Variants in LDAH observed in about 807,000 individuals in gnomAD.
LDAH encodes the protein lipid droplet-associated hydrolase.
A neutral mutation model predicts 29.6 loss-of-function variants in LDAH; 26 were observed. The ratio of observed to expected loss-of-function variants is 0.88; its 90% CI spans 0.64 to 1.22. The LOEUF (loss-of-function observed/expected upper bound fraction) is 1.22, where lower values mean the gene tolerates loss of function less well. Ranked by LOEUF, LDAH falls within the 50% of genes most tolerant of loss-of-function variation. LDAH has a pLI of 0.00. For missense variants in LDAH, 344 were observed against 387.3 expected, an observed-to-expected ratio of 0.89 and a Z score of 0.94; for synonymous variants, 117 against 133.0, an observed-to-expected ratio of 0.88 and a Z score of 0.83.
At chr2:20,714,517 G>A (rs947769068) in intron 5 of LDAH, among the ~76,000 whole-genome samples, 5 of 152,146 alleles carry the variant, frequency 3.3e-5, no homozygotes, top group African/African-American at 1.2e-4. Flanking sequence ...CAGAAGGCAA[G>A]AAATAACTAA....
chr2:20,737,920 G>C (rs1039274780), intron 5 of LDAH, among the ~76,000 whole-genome samples: 13 of 152,024 alleles, frequency 8.6e-5, no homozygotes, highest in African/African-American at 2.7e-4. Context: ...CTGATATCTG[G>C]AGAACAAAGG....
intron 5 of LDAH, among the ~76,000 whole-genome samples, chr2:20,710,710 T>C (rs1664686144): frequency 6.8e-6 from 1 of 146,646 alleles, no homozygotes; most frequent in Non-Finnish European, 1.5e-5. Context: ...TATATACACA[T>C]ATATTATACA....
chr2:20,764,128 C>T (rs1668865771), intron 4 of LDAH, among the ~76,000 whole-genome samples: 2 of 152,070 alleles, frequency 1.3e-5, no homozygotes, highest in African/African-American at 2.4e-5. Context: ...TTGAAACTGT[C>T]CATGTGTCTA....
intron 1 of LDAH, among the ~76,000 whole-genome samples, chr2:20,805,141 ACTTCAAGTAAATGACAT>A (rs1251541215): frequency 6.6e-6 from 1 of 152,214 alleles, no homozygotes; most frequent in Admixed American, 6.5e-5. Flanking sequence ...TCAATACTTA[ACTTCAAGTAAATGACAT>A]TGTGGGAGCT....
intron 1 of LDAH, among the ~76,000 whole-genome samples, chr2:20,814,619 C>A (rs1489485599): frequency 6.6e-6 from 1 of 152,114 alleles, no homozygotes; most frequent in Non-Finnish European, 1.5e-5. Flanking sequence ...CACCACCATG[C>A]CTGGCTAACT....
At chr2:20,786,521 G>A (rs1372247146) in intron 3 of LDAH, among the ~76,000 whole-genome samples, 3 of 152,130 alleles carry the variant, frequency 2.0e-5, no homozygotes, top group Non-Finnish European at 1.5e-5. Context: ...TGTAGCTATA[G>A]GTATCAGAAA....
At chr2:20,787,613 G>A (rs938606124) in intron 3 of LDAH, among the ~76,000 whole-genome samples, 19 of 152,094 alleles carry the variant, frequency 1.2e-4, no homozygotes, top group African/African-American at 4.3e-4. Flanking sequence ...TTCTTATTGC[G>A]AGGAGAGAAG....
chr2:20,805,590 A>G (rs1479034239), intron 1 of LDAH, among the ~76,000 whole-genome samples: 1 of 152,186 alleles, frequency 6.6e-6, no homozygotes, highest in Non-Finnish European at 1.5e-5. Context: ...TAATAAAATC[A>G]ATTTTCATAA....
intron 4 of LDAH, among the ~76,000 whole-genome samples, chr2:20,759,424 T>TCTTTCATTTAGTGCCTAG (rs1558450333): frequency 2.6e-5 from 4 of 152,194 alleles, no homozygotes; most frequent in African/African-American, 7.2e-5. Context: ...TTGTGAAGCA[T>TCTTTCATTTAGTGCCTAG]CTTTCATTTA....
intron 1 of LDAH, among the ~76,000 whole-genome samples, chr2:20,811,342 C>G (rs1015586245): frequency 6.6e-6 from 1 of 151,816 alleles, no homozygotes. Context: ...ACTGATTTGA[C>G]TATATTTCAT....
intron 3 of LDAH, among the ~76,000 whole-genome samples, chr2:20,785,206 ACTT>A (rs574385045): frequency 7.4e-4 from 112 of 152,292 alleles, no homozygotes; most frequent in Admixed American, 5.7e-3. Flanking sequence ...CCCCTAAAGA[ACTT>A]CTTTTAATAT....
intron 2 of LDAH, among the ~76,000 whole-genome samples, chr2:20,800,646 T>A (rs1671596279): frequency 6.6e-6 from 1 of 152,160 alleles, no homozygotes; most frequent in African/African-American, 2.4e-5. Flanking sequence ...TTTTAAATAT[T>A]TTTTTGAGAC....
intron 4 of LDAH, among the ~76,000 whole-genome samples, chr2:20,749,162 G>A (rs1355138380): frequency 2.0e-5 from 3 of 152,074 alleles, no homozygotes; most frequent in African/African-American, 7.2e-5. Context: ...AAGTCTAGTG[G>A]GAGAGATATT....
At chr2:20,808,626 C>A (rs1672250709) in intron 1 of LDAH, among the ~76,000 whole-genome samples, 1 of 150,478 alleles carries the variant, frequency 6.6e-6, no homozygotes, top group Non-Finnish European at 1.5e-5. Context: ...CCACTGCACT[C>A]CAGCCTGCGC....
Position 20,774,946 on chromosome 2 carries a change from C to T in LDAH, c.332G>A (p.Gly111Glu). 1 of 1,601,404 alleles carries T rather than the reference C, an allele frequency of 6.2e-7. No homozygotes were observed. Among genetic ancestry groups the T allele is most frequent in the Middle Eastern group, 1.8e-4 (1 of 5,554 alleles). Residue 111 changes from glycine to glutamate, a missense_variant, in exon 4 of 7, where the codon GGA (glycine) becomes GAA (glutamate). By Grantham distance (98) the Gly-to-Glu change is moderately conservative (BLOSUM62 -2). Transcript: ENST00000237822. Reference sequence around the variant, plus strand: ...TTTGTGCTCTATTTGTCCATTTAGTCCATAAATGTCCTTAATTTCTTGAGC... The same window carrying T: ...TTTGTGCTCTATTTGTCCATTTAGTTCATAAATGTCCTTAATTTCTTGAGC... ...SNAQEIKDIY[G>E]LNGQIEHKLA...
chr2:20,804,115 T>G (rs1671905990), intron 1 of LDAH, among the ~76,000 whole-genome samples: 1 of 152,178 alleles, frequency 6.6e-6, no homozygotes, highest in South Asian at 2.1e-4. Flanking sequence ...GGCACACAGC[T>G]AAGCTTCACC....
chr2:20,752,798 T>C (rs1162816128), intron 4 of LDAH, among the ~76,000 whole-genome samples: 1 of 152,172 alleles, frequency 6.6e-6, no homozygotes, highest in Non-Finnish European at 1.5e-5. Flanking sequence ...TAGGGGAGAA[T>C]CCATTCCTTG....
intron 4 of LDAH, among the ~76,000 whole-genome samples, chr2:20,771,555 A>T (rs1385313213): frequency 6.6e-6 from 1 of 152,238 alleles, no homozygotes; most frequent in African/African-American, 2.4e-5. Flanking sequence ...GGTGTCTTAG[A>T]GTAGCCCAGA....
At chr2:20,702,599 C>T (rs557652211) in intron 5 of LDAH, among the ~76,000 whole-genome samples, 169 of 152,262 alleles carry the variant, frequency 1.1e-3, no homozygotes, top group African/African-American at 4.0e-3. Context: ...TTCCTCCCCA[C>T]CCAGGATTTA....
Sources: gnomAD v4.1 joint callset for allele counts (sites outside exome capture counted in the v4.1 genomes callset) on GRCh38, gnomAD v4.1.1 for gene constraint, MANE v1.5 for transcripts, NCBI Gene and HGNC (gene_info 2026-07-23, HGNC 2026-07-21) for gene names.